The following TACC2 variants were observed in gnomAD, a reference collection of about 807,000 sequenced individuals.
The protein encoded by TACC2 is transforming acidic coiled-coil-containing protein 2.
In TACC2, 137 loss-of-function variants were observed where a neutral mutation model predicts 227.3. The ratio of observed to expected loss-of-function variants is 0.60; its 90% confidence interval spans 0.52 to 0.69. The LOEUF (loss-of-function observed/expected upper bound fraction) is 0.69, where lower values mean the gene tolerates loss of function less well. Ranked by LOEUF, TACC2 falls within the 30% of genes least tolerant of loss-of-function variation. The probability of loss-of-function intolerance (pLI) is 0.00; values close to 1 mark genes in which losing one functional copy is unlikely to be tolerated. For missense variants in TACC2, 3,470 were observed against 3,694.4 expected (o/e 0.94, Z 1.57); for synonymous variants, 1,523 against 1,487.5 (o/e 1.02, Z -0.55).
At chr10:122,024,676 T>G (rs1195306236) in intron 2 of TACC2, among the ~76,000 whole-genome samples, 2 of 152,216 alleles carry the variant, frequency 1.3e-5, no homozygotes, top group African/African-American at 4.8e-5. Context: ...TCTTTAAGGA[T>G]TGGCTTTTTT....
Position 122,085,260 on chromosome 10 carries a change from C to T in TACC2, c.2760C>T (p.Asp920=), listed in dbSNP as rs571515128. The part of the protein sequence containing the change: ...LSDTPTSSPT[D]MVWESSLTEE... ...ATACTCCAACTTCATCTCCCACTGA[C>T]ATGGTTTGGGAGAGTTCTCTGACAG... The change falls in exon 4 of 23, where the codon GAC becomes GAT. Residue 920 remains aspartate, a synonymous_variant. Coordinates refer to ENST00000369005, the MANE Select transcript of TACC2 (RefSeq NM_206862.4). 6.2e-7 allele frequency: 1 copy of T among 1,614,104 alleles called. No homozygotes were observed. The highest frequency in any genetic ancestry group is 8.5e-7 in the Non-Finnish European group (1 of 1,180,028).
chr10:122,001,400 G>T (rs1488888874), intron 1 of TACC2, among the ~76,000 whole-genome samples: 2 of 152,076 alleles, frequency 1.3e-5, no homozygotes, highest in Admixed American at 6.6e-5. Context: ...CAGATCTCTT[G>T]AGACTTATTC....
intron 2 of TACC2, among the ~76,000 whole-genome samples, chr10:122,040,938 G>GCCT (rs2074177481): frequency 6.6e-6 from 1 of 152,158 alleles, no homozygotes; most frequent in African/African-American, 2.4e-5. Flanking sequence ...CAGCAGACAC[G>GCCT]CCTCCCCCAG....
At chr10:122,236,728 A>T (rs925432119) in intron 16 of TACC2, among the ~76,000 whole-genome samples, 1 of 152,214 alleles carries the variant, frequency 6.6e-6, no homozygotes, top group Non-Finnish European at 1.5e-5. Context: ...GGATATTGTC[A>T]TTGACCCAGT....
chr10:122,005,159 G>A lies in TACC2; in HGVS notation c.-46+15671G>A, dbSNP rs138550193. Among the ~76,000 whole-genome samples the A allele has an allele frequency of 3.7e-3, 554 of 151,092 alleles. 4 individuals carry two copies. Among genetic ancestry groups the A allele is most frequent in the African/African-American group, 0.013 (539 of 41,162 alleles). On this transcript the variant is annotated intron_variant, in intron 1 of 22. Coordinates refer to ENST00000369005, the MANE Select transcript of TACC2 (RefSeq NM_206862.4). ...TGCAATGGTGCAATCCGGGCTCACT[G>A]CAACCTCTGCCTCCCGGGTTCAAGT...
chr10:122,114,216 A>G (rs1427327666), intron 5 of TACC2, among the ~76,000 whole-genome samples: 1 of 152,170 alleles, frequency 6.6e-6, no homozygotes, highest in African/African-American at 2.4e-5. Flanking sequence ...TGCCAGAGGA[A>G]GGTGCGGCTC....
chr10:122,083,085 C>T lies in TACC2; in HGVS notation c.585C>T (p.Asp195=). 1.2e-6 allele frequency: 2 copies of T among 1,612,976 alleles called. No individual in the cohort carries two copies. The highest frequency in any genetic ancestry group is 1.1e-5 in the South Asian group (1 of 91,074). Residue 195 remains aspartate, a synonymous_variant, in exon 4 of 23, where the codon GAC becomes GAT. Coordinates refer to ENST00000369005, the MANE Select transcript of TACC2 (RefSeq NM_206862.4). The part of the protein sequence containing the change: ...KSSFSFSSGI[D]QSPGMSPVPL... ...CCTTCTCCTTCTCCAGTGGCATCGA[C>T]CAGTCACCTGGAATGTCGCCAGTAC... is the stretch of plus-strand genomic sequence containing the variant.
rs765911016 is a variant in TACC2 at position 122,211,388 on chromosome 10, C to T, written c.6963C>T (p.Ser2321=). The T allele has an allele frequency of 3.7e-6, 6 of 1,614,000 alleles. No individual in the cohort carries two copies. The highest frequency in any genetic ancestry group is 4.2e-6 in the Non-Finnish European group (5 of 1,180,004). Residue 2321 remains serine, a synonymous_variant, in exon 9 of 23, where the codon TCC becomes TCT. Transcript: ENST00000369005. Reference sequence around the variant, plus strand: ...ACACTCCTGCCTCACCTCCCAGATCCCCTGCTGAACCCAATGACATCCCCA... The same window carrying T: ...ACACTCCTGCCTCACCTCCCAGATCTCCTGCTGAACCCAATGACATCCCCA... ...LDNTPASPPR[S]PAEPNDIPIA... is the part of the protein sequence containing the mutation.
At chr10:122,114,359 T>C (rs1398159511) in intron 5 of TACC2, among the ~76,000 whole-genome samples, 1 of 152,158 alleles carries the variant, frequency 6.6e-6, no homozygotes, top group Non-Finnish European at 1.5e-5. Context: ...GTTTGGTCTG[T>C]GAGATGCACG....
chr10:122,199,023 T>A (rs1195262344), intron 8 of TACC2, among the ~76,000 whole-genome samples: 3 of 152,222 alleles, frequency 2.0e-5, no homozygotes, highest in Non-Finnish European at 2.9e-5. Context: ...TCAGGGACAT[T>A]GTTCAGCATT....
rs563711128 is a variant in TACC2, at chr10:122,015,512, CAAAT to C, written c.-45-6421_-45-6418del. Among the ~76,000 whole-genome samples the C allele has an allele frequency of 8.1e-4, 122 of 150,032 alleles. 1 individual carries two copies. The highest frequency in any genetic ancestry group is 2.9e-3 in the African/African-American group (114 of 39,970). On this transcript the variant is annotated intron_variant, in intron 1 of 22. Transcript: ENST00000369005. Reference sequence around the variant, plus strand: ...AGAGTGAGACTCCATCTCAAACAAACAAATAAAGAAACAAAAAAACTCAATGTTT... The same window carrying C: ...AGAGTGAGACTCCATCTCAAACAAACAAAGAAACAAAAAAACTCAATGTTT...
intron 9 of TACC2, among the ~76,000 whole-genome samples, chr10:122,212,923 A>G (rs1187473043): frequency 6.7e-6 from 1 of 149,658 alleles, no homozygotes; most frequent in Non-Finnish European, 1.5e-5. Context: ...CAATGGCTAG[A>G]CTGCAAGGCC....
In TACC2 at chr10:122,007,583, C is replaced by T. The variant is rs114667768; in HGVS notation, c.-45-14354C>T. ...GTTTTTATGGCACTGAGGTGTTTTA[C>T]AGGATTCCTAGTTTAACAGTCGCCT... On this transcript the variant is annotated intron_variant, in intron 1 of 22. Transcript: ENST00000369005. 3.9e-3 allele frequency among the ~76,000 whole-genome samples: 597 copies of T among 152,266 alleles called. 3 individuals carry two copies. The highest frequency in any genetic ancestry group is 9.1e-3 in the African/African-American group (378 of 41,552).
chr10:122,113,878 G>C (rs1466680210), intron 5 of TACC2, among the ~76,000 whole-genome samples: 1 of 152,214 alleles, frequency 6.6e-6, no homozygotes, highest in Non-Finnish European at 1.5e-5. Flanking sequence ...TCTGCCTCGG[G>C]GTGTCCTCGA....
At chr10:122,047,855 C>T (rs1173520477) in intron 2 of TACC2, among the ~76,000 whole-genome samples, 1 of 152,220 alleles carries the variant, frequency 6.6e-6, no homozygotes, top group Non-Finnish European at 1.5e-5. Flanking sequence ...TTCTATCCTT[C>T]AGCTAAAATG....
In TACC2 at chr10:122,000,928, T is replaced by G. The variant is rs376899505; in HGVS notation, c.-46+11440T>G. On this transcript the variant is annotated intron_variant, in intron 1 of 22. Transcript: ENST00000369005. ...ACCTCCACCTCCTGGGCTCAAGCGA[T>G]TCTCCTTCCTCAGCCTCCCGAGTAG... 2.6e-4 allele frequency among the ~76,000 whole-genome samples: 40 copies of G among 152,344 alleles called. No homozygotes were observed. In the South Asian group the frequency reaches 7.9e-3, roughly 30 times the overall value.
chr10:122,157,231 T>C (rs1246163592), intron 7 of TACC2, among the ~76,000 whole-genome samples: 1 of 152,234 alleles, frequency 6.6e-6, no homozygotes, highest in Non-Finnish European at 1.5e-5. Flanking sequence ...TGTTCTCTTA[T>C]GTAACCTTGT....
chr10:122,120,905 T>G (rs2138399724), intron 5 of TACC2, among the ~76,000 whole-genome samples: 1 of 152,268 alleles, frequency 6.6e-6, no homozygotes, highest in African/African-American at 2.4e-5. Flanking sequence ...AGCTGGATTA[T>G]AGATGCGTGC....
At chr10:122,214,762 A>G (rs539788818) in intron 9 of TACC2, among the ~76,000 whole-genome samples, 12 of 152,278 alleles carry the variant, frequency 7.9e-5, no homozygotes, top group African/African-American at 2.6e-4. Flanking sequence ...AGAGCTGTGA[A>G]TCTTGTCTGT....
Sources: allele counts gnomAD v4.1 joint callset (sites outside exome capture counted in the v4.1 genomes callset), GRCh38; gene constraint gnomAD v4.1.1; transcripts MANE v1.5; gene names NCBI Gene and HGNC (gene_info 2026-07-23, HGNC 2026-07-21).